TPST2: variants seen among roughly 807,000 people sequenced by gnomAD.
TPST2 encodes tyrosylprotein sulfotransferase 2.
A neutral mutation model predicts 27.8 loss-of-function variants in TPST2; 16 were observed. That is an observed-to-expected ratio of 0.58 (90% CI 0.39 to 0.88). The LOEUF is 0.88. TPST2 is among the 40% of genes least tolerant of loss of function. The pLI, the probability that TPST2 is intolerant of heterozygous loss-of-function variation, is 0.00. For missense variants in TPST2, 464 were observed against 543.1 expected (o/e 0.85, Z 1.45); for synonymous variants, 229 against 231.7 (o/e 0.99, Z 0.10).
intron 2 of TPST2, among the ~76,000 whole-genome samples, chr22:26,543,553 C>T (rs749178693): frequency 2.6e-5 from 4 of 152,078 alleles, no homozygotes; most frequent in African/African-American, 7.2e-5. Flanking sequence ...GTGATCTGCC[C>T]GCCTCAGCCT....
intron 2 of TPST2, among the ~76,000 whole-genome samples, chr22:26,543,842 A>G (rs542008077): frequency 6.6e-6 from 1 of 152,290 alleles, no homozygotes; most frequent in African/African-American, 2.4e-5. Flanking sequence ...TAAGAAGAAA[A>G]AGCAGGGTGA....
chr22:26,528,245 G>A lies in TPST2; in HGVS notation c.1110C>T (p.Thr370=), dbSNP rs1195941915. ...KGYFQVNQNS[T]SSHLGSS is the part of the protein sequence containing the mutation. ...ATCACGAGCTTCCTAAGTGGGAGGA[G>A]GTGCTGTTCTGGTTCACCTGGAGAA... Residue 370 remains threonine (T), a synonymous_variant, in exon 6 of 7, where the codon ACC becomes ACT. Coordinates refer to ENST00000338754, the MANE Select transcript of TPST2 (RefSeq NM_003595.5). 6.4e-7 allele frequency: 1 copy of A among 1,564,622 alleles called. No homozygotes were observed. The highest frequency in any genetic ancestry group is 8.7e-7 in the Non-Finnish European group (1 of 1,152,750).
intron 1 of TPST2, among the ~76,000 whole-genome samples, chr22:26,546,016 G>C (rs1926102955): frequency 6.6e-6 from 1 of 150,978 alleles, no homozygotes; most frequent in Non-Finnish European, 1.5e-5. Context: ...GGTCGAGGCT[G>C]CAGCGAGCTG....
At chr22:26,547,707 C>G (rs1320647408) in intron 1 of TPST2, 1 of 152,120 alleles carries the variant, frequency 6.6e-6, no homozygotes, top group Non-Finnish European at 1.5e-5. Context: ...CCCAGCTACT[C>G]GGGAGGCCGA....
In TPST2 at chr22:26,567,907, C is replaced by T. The variant is rs562664166; in HGVS notation, c.-161+22146G>A. Among the ~76,000 whole-genome samples the T allele has an allele frequency of 2.0e-5, 3 of 152,256 alleles. No homozygotes were observed. The South Asian group carries it at 6.2e-4, about 32-fold the overall frequency. On this transcript the variant is annotated intron_variant, in intron 1 of 6. Coordinates refer to ENST00000338754, the MANE Select transcript of TPST2 (RefSeq NM_003595.5). ...AAATAACTAAAAAAAGAAAAGGATA[C>T]CAAGTGTTGGCAAGGATGTAATGCA... is the stretch of plus-strand genomic sequence containing the variant.
intron 3 of TPST2, among the ~76,000 whole-genome samples, chr22:26,537,380 C>A (rs1925526096): frequency 6.6e-6 from 1 of 152,214 alleles, no homozygotes; most frequent in Admixed American, 6.5e-5. Context: ...ATAGTAGTAC[C>A]TACCTCACTG....
intron 1 of TPST2, among the ~76,000 whole-genome samples, chr22:26,585,353 G>C (rs148428786): frequency 6.6e-6 from 1 of 152,182 alleles, no homozygotes; most frequent in Non-Finnish European, 1.5e-5. Context: ...TGTGGGCACT[G>C]CCTCTGAGGT....
rs959547814 is a variant in TPST2, at chr22:26,524,046, T to C, written c.*2229A>G. 6.6e-6 allele frequency: 1 copy of C among 152,140 alleles called. No homozygotes were observed. The highest frequency in any genetic ancestry group is 1.5e-5 in the Non-Finnish European group (1 of 68,018). The allele number at this position is 152,140 out of a possible 1,614,324, so 9.4% of individuals were successfully genotyped here. ...TGTCGCCAGATTCTCAAAGGGACAG[T>C]GTCACACTTAACAGAGCAAGGAGAG... On this transcript the variant is annotated 3_prime_UTR_variant, in exon 7 of 7. Transcript: ENST00000338754.
chr22:26,537,037 C>T (rs145041673), intron 3 of TPST2, among the ~76,000 whole-genome samples: 78 of 151,652 alleles, frequency 5.1e-4, no homozygotes, highest in African/African-American at 1.8e-3. Flanking sequence ...GACTGGGCAA[C>T]AGAGCAAGAC....
intron 1 of TPST2, among the ~76,000 whole-genome samples, chr22:26,561,341 G>T (rs56120868): frequency 0.049 from 7,401 of 152,216 alleles, 258 homozygotes; most frequent in East Asian, 0.082. Flanking sequence ...AGATAGCCCT[G>T]TCCTGATGGT....
In TPST2 at chr22:26,541,463, G is replaced by A. The variant is rs747549555; in HGVS notation, c.168C>T (p.Gly56=). Residue 56 remains glycine, a synonymous_variant, in exon 3 of 7, where the codon GGC becomes GGT. Coordinates refer to ENST00000338754, the MANE Select transcript of TPST2 (RefSeq NM_003595.5). This position sits in a 1 kb window ranked among gnomAD's most constrained non-coding sequence, Gnocchi z 5.9. ...CATAGCGGTATTCCACGTGGTTGGT[G>A]CCCACCATCACCAGCTCCTCCTGCT... ...RPEQEELVMV[G]TNHVEYRYGK... 5 of 1,609,350 alleles carry A rather than the reference G, an allele frequency of 3.1e-6. No individual in the cohort carries two copies. The highest frequency in any genetic ancestry group is 4.2e-6 in the Non-Finnish European group (5 of 1,177,726).
intron 1 of TPST2, among the ~76,000 whole-genome samples, chr22:26,582,648 C>T (rs1242005583): frequency 6.6e-6 from 1 of 152,084 alleles, no homozygotes; most frequent in East Asian, 1.9e-4. Flanking sequence ...AATCTTGCAC[C>T]CCAACATCCA....
chr22:26,534,147 G>A (rs1349388180), intron 4 of TPST2, among the ~76,000 whole-genome samples: 1 of 152,146 alleles, frequency 6.6e-6, no homozygotes, highest in Non-Finnish European at 1.5e-5. Context: ...CATGGCTAGT[G>A]GCTACCGTAT....
chr22:26,575,942 G>A (rs1927817311), intron 1 of TPST2, among the ~76,000 whole-genome samples: 1 of 152,136 alleles, frequency 6.6e-6, no homozygotes, highest in Non-Finnish European at 1.5e-5. Context: ...GTTGCAGTGA[G>A]CCGAGATCGT....
chr22:26,538,029 T>TA (rs1325073477), intron 3 of TPST2, among the ~76,000 whole-genome samples: 1 of 152,150 alleles, frequency 6.6e-6, no homozygotes, highest in Non-Finnish European at 1.5e-5. Flanking sequence ...ACTCTCCCTG[T>TA]AACAGGCTTC....
At chr22:26,530,428 G>C (rs914883794) in intron 5 of TPST2, among the ~76,000 whole-genome samples, 1 of 152,050 alleles carries the variant, frequency 6.6e-6, no homozygotes, top group African/African-American at 2.4e-5. Flanking sequence ...ACCTAAGAAT[G>C]GTTCCAATTT....
Position 26,541,122 on chromosome 22 carries a change from G to C in TPST2, c.509C>G (p.Ser170Trp), listed in dbSNP as rs371365617. The C allele has an allele frequency of 1.2e-6, 2 of 1,607,682 alleles. No individual in the cohort carries two copies. Among genetic ancestry groups the C allele is most frequent in the South Asian group, 1.1e-5 (1 of 90,568 alleles). The change falls in exon 3 of 7, where the codon TCG (serine) becomes TGG (tryptophan). Residue 170 changes from serine (S) to tryptophan (W), a missense_variant. By Grantham distance (177) the Ser-to-Trp change is radical (BLOSUM62 -3). Transcript: ENST00000338754. The surrounding 1 kb of genome is among the most constrained non-coding windows in gnomAD (Gnocchi z 5.9). Reference sequence around the variant, plus strand: ...GAACTTGGAGTTGGGGAACAGGCGCGACAGGTAGACCGAGGACTTGAGCGT... The same window carrying C: ...GAACTTGGAGTTGGGGAACAGGCGCCACAGGTAGACCGAGGACTTGAGCGT... ...PFTLKSSVYL[S>W]RLFPNSKFLL... is the part of the protein sequence containing the mutation.
intron 1 of TPST2, chr22:26,550,462 C>T: frequency 4.0e-6 from 2 of 505,054 alleles, no homozygotes; most frequent in Non-Finnish European, 5.1e-6. Context: ...TAGGAACTTT[C>T]TAAATCATCA....
At chr22:26,554,443 A>T (rs1404877593) in intron 1 of TPST2, among the ~76,000 whole-genome samples, 1 of 151,630 alleles carries the variant, frequency 6.6e-6, no homozygotes, top group Non-Finnish European at 1.5e-5. Context: ...CCTCACCCCC[A>T]CCCACCATGG....
Sources: allele counts gnomAD v4.1 joint callset (sites outside exome capture counted in the v4.1 genomes callset), GRCh38; gene constraint gnomAD v4.1.1; non-coding constraint Gnocchi (gnomAD v3.1); transcripts MANE v1.5; gene names NCBI Gene and HGNC (gene_info 2026-07-23, HGNC 2026-07-21).